NPHP1: variants seen among roughly 807,000 people sequenced by gnomAD.
NPHP1 encodes the protein nephrocystin 1.
Under a neutral mutation model 90.4 loss-of-function variants are expected in NPHP1, and 70 were observed. The ratio of observed to expected loss-of-function variants is 0.77; its 90% CI spans 0.64 to 0.95. NPHP1 has a LOEUF of 0.95. NPHP1 is among the 40% of genes least tolerant of loss of function. The pLI, the probability that NPHP1 is intolerant of heterozygous loss-of-function variation, is 0.00. For missense variants in NPHP1, 764 were observed against 795.9 expected (o/e 0.96, Z 0.48); for synonymous variants, 256 against 271.7 (o/e 0.94, Z 0.57).
Position 110,165,048 on chromosome 2 carries a change from G to A in NPHP1, c.728+4C>T. 1.2e-6 allele frequency: 2 copies of A among 1,607,272 alleles called. No individual in the cohort carries two copies. Among genetic ancestry groups the A allele is most frequent in the Non-Finnish European group, 8.5e-7 (1 of 1,174,036 alleles). On this transcript the variant is annotated splice_donor_region_variant and intron_variant, in intron 7 of 19. Transcript: ENST00000445609. ...TACTTTGATATCCTTTCCCACTTTT[G>A]TACCTTTGCTTAACTTCTGCTCCAT...
intron 15 of NPHP1, 111 bp from the exon 16 acceptor site, chr2:110,143,752 G>A: frequency 1.3e-6 from 1 of 773,470 alleles, no homozygotes; most frequent in Middle Eastern, 2.8e-4. Context: ...TGAATTGAAT[G>A]AAAGGCAAGA....
chr2:110,171,811 T>C (rs1255556983), intron 4 of NPHP1, among the ~76,000 whole-genome samples: 1 of 152,154 alleles, frequency 6.6e-6, no homozygotes, highest in African/African-American at 2.4e-5. Flanking sequence ...GCCTCTAGAT[T>C]TTACTTGCTA....
In NPHP1 at chr2:110,123,952, C is replaced by T; in HGVS notation, c.1873G>A (p.Glu625Lys). 6.2e-7 allele frequency: 1 copy of T among 1,614,174 alleles called. No individual in the cohort carries two copies. The highest frequency in any genetic ancestry group is 8.5e-7 in the Non-Finnish European group (1 of 1,180,014). ...PPFRWAEEET[E>K]TARWKVITDF... is the part of the protein sequence containing the mutation. ...GTGATAACTTTCCACCGTGCAGTCTCAGTCTCTTCTTCTGCCCACCTGAAT... is the reference window on the plus strand; with the variant it reads ...GTGATAACTTTCCACCGTGCAGTCTTAGTCTCTTCTTCTGCCCACCTGAAT... The change falls in exon 20 of 20, where the codon GAG becomes AAG. Residue 625 changes from glutamate (E) to lysine (K), a missense_variant. Glu to Lys is a moderately conservative substitution (Grantham distance 56, BLOSUM62 1). Coordinates refer to ENST00000445609, the MANE Select transcript of NPHP1 (RefSeq NM_001128178.3).
rs190997163 is a variant in NPHP1 at position 110,177,718 on chromosome 2, G to A, written c.329+705C>T. 6.1e-4 allele frequency among the ~76,000 whole-genome samples: 93 copies of A among 151,458 alleles called. 3 individuals are homozygous for A. In the Middle Eastern group the frequency reaches 0.024, roughly 39 times the overall value. ...GCTATTATTAACATACACTCTGGCA[G>A]ACAAACAATGCATGTCCCTACTTCA... On this transcript the variant is annotated intron_variant, in intron 4 of 19. Coordinates refer to ENST00000445609, the MANE Select transcript of NPHP1 (RefSeq NM_001128178.3).
chr2:110,134,226 C>A (rs1241603963), intron 16 of NPHP1, among the ~76,000 whole-genome samples: 1 of 151,704 alleles, frequency 6.6e-6, no homozygotes, highest in Non-Finnish European at 1.5e-5. Context: ...AGTTGTATGC[C>A]AACAAGTTGG....
At chr2:110,195,486 T>G (rs1685098699) in intron 2 of NPHP1, among the ~76,000 whole-genome samples, 1 of 152,114 alleles carries the variant, frequency 6.6e-6, no homozygotes, top group African/African-American at 2.4e-5. Flanking sequence ...TACAAACCAC[T>G]GCTCAATGAA....
At chr2:110,186,410 G>A (rs1408545980) in intron 2 of NPHP1, among the ~76,000 whole-genome samples, 1 of 152,140 alleles carries the variant, frequency 6.6e-6, no homozygotes, top group African/African-American at 2.4e-5. Context: ...CCCCCTCTTG[G>A]CTGATCTTGG....
chr2:110,154,405 C>T (rs1368334053), intron 11 of NPHP1, among the ~76,000 whole-genome samples: 1 of 152,064 alleles, frequency 6.6e-6, no homozygotes, highest in African/African-American at 2.4e-5. Flanking sequence ...TAGGGTGTTG[C>T]TGAAAAGATA....
intron 2 of NPHP1, among the ~76,000 whole-genome samples, chr2:110,183,388 C>G (rs534616690): frequency 6.6e-6 from 1 of 152,292 alleles, no homozygotes; most frequent in South Asian, 2.1e-4. Context: ...TAGCCAGAAC[C>G]TCCCCTTTAT....
intron 15 of NPHP1, 126 bp from the exon 16 acceptor site, chr2:110,143,767 T>C (rs954246338): frequency 1.7e-5 from 12 of 717,110 alleles, no homozygotes; most frequent in Non-Finnish European, 2.5e-5. Context: ...GCAAGAGTCA[T>C]CCATATACCC....
chr2:110,164,649 G>GCA lies in NPHP1; in HGVS notation c.771+37_771+38dup. On this transcript the variant is annotated intron_variant, in intron 8 of 19. Coordinates refer to ENST00000445609, the MANE Select transcript of NPHP1 (RefSeq NM_001128178.3). ...TATTTCGCATCAGAACTATTAGGTA[G>GCA]CAAAACGAGACATGATTAACAAGAC... 3 of 1,613,770 alleles carry GCA rather than the reference G, an allele frequency of 1.9e-6. No homozygotes were observed. The highest frequency in any genetic ancestry group is 2.5e-6 in the Non-Finnish European group (3 of 1,179,798).
At chr2:110,134,929 G>A (rs1312161904) in intron 16 of NPHP1, among the ~76,000 whole-genome samples, 1 of 151,982 alleles carries the variant, frequency 6.6e-6, no homozygotes, top group Non-Finnish European at 1.5e-5. Context: ...AACAAGACAA[G>A]GATCCTGCTC....
At chr2:110,137,191 T>A (rs993315717) in intron 16 of NPHP1, among the ~76,000 whole-genome samples, 1 of 152,170 alleles carries the variant, frequency 6.6e-6, no homozygotes, top group Non-Finnish European at 1.5e-5. Context: ...GATTAAAGAC[T>A]TAAATGTTAG....
chr2:110,147,587 T>TG (rs1681154195), intron 13 of NPHP1, among the ~76,000 whole-genome samples: 2 of 152,152 alleles, frequency 1.3e-5, no homozygotes, highest in African/African-American at 2.4e-5. Context: ...AAGTATACTC[T>TG]GCCCCTGGAA....
At chr2:110,180,383 T>A (rs935381083) in intron 2 of NPHP1, among the ~76,000 whole-genome samples, 1 of 151,936 alleles carries the variant, frequency 6.6e-6, no homozygotes, top group South Asian at 2.1e-4. Context: ...ATGATGAGAT[T>A]TTTTTAATTC....
intron 11 of NPHP1, among the ~76,000 whole-genome samples, chr2:110,152,584 G>A (rs1681559355): frequency 7.0e-6 from 1 of 141,962 alleles, no homozygotes; most frequent in African/African-American, 2.7e-5. Context: ...TATTGTTGCT[G>A]GAAGCCAGTA....
intron 18 of NPHP1, chr2:110,127,611 A>C (rs1378702481): frequency 6.6e-6 from 1 of 152,066 alleles, no homozygotes; most frequent in Non-Finnish European, 1.5e-5. Flanking sequence ...TTGCTAAATA[A>C]CATATGTGCA....
At chr2:110,140,440 A>T (rs1037841104) in intron 16 of NPHP1, among the ~76,000 whole-genome samples, 1 of 152,140 alleles carries the variant, frequency 6.6e-6, no homozygotes, top group Non-Finnish European at 1.5e-5. Flanking sequence ...CCCAGCATAC[A>T]GTAGAGCATT....
At chr2:110,196,183 A>C (rs1163673015) in intron 2 of NPHP1, among the ~76,000 whole-genome samples, 12 of 152,162 alleles carry the variant, frequency 7.9e-5, no homozygotes, top group Admixed American at 2.0e-4. Context: ...GAGCTTCTGC[A>C]CAGCAAAAGA....
Sources: allele counts gnomAD v4.1 joint callset (sites outside exome capture counted in the v4.1 genomes callset), GRCh38; gene constraint gnomAD v4.1.1; transcripts MANE v1.5; gene names NCBI Gene and HGNC (gene_info 2026-07-23, HGNC 2026-07-21).